The following EEIG1 variants were observed in gnomAD, a reference collection of about 807,000 sequenced individuals.
The protein encoded by EEIG1 is early estrogen-induced gene 1 protein.
the EEIG1 span, among the ~76,000 whole-genome samples, chr9:127,971,793 C>A: frequency 1.3e-5 from 2 of 152,190 alleles, no homozygotes; most frequent in African/African-American, 4.8e-5. Context: ...ACAGAGTGTA[C>A]AAGGCCAAAA....
At chr9:127,944,080 T>C in the EEIG1 span, 1 of 157,878 alleles carries the variant, frequency 6.3e-6, no homozygotes. Flanking sequence ...CAAATGAATG[T>C]CTGTGACGCA....
At chr9:127,961,748 G>A in the EEIG1 span, among the ~76,000 whole-genome samples, 11 of 151,788 alleles carry the variant, frequency 7.2e-5, no homozygotes, top group Non-Finnish European at 1.3e-4. Context: ...TGACATCTAA[G>A]CAAAGACTGA....
chr9:127,979,983 A>G, the EEIG1 span: 1 of 1,610,968 alleles, frequency 6.2e-7, no homozygotes, highest in Non-Finnish European at 8.5e-7. Flanking sequence ...CGACCGCCCC[A>G]GCTCCTACCT....
At chr9:127,963,470 C>T in the EEIG1 span, among the ~76,000 whole-genome samples, 1 of 152,246 alleles carries the variant, frequency 6.6e-6, no homozygotes, top group Non-Finnish European at 1.5e-5. Context: ...TTAAGATATA[C>T]AATTAGACAT....
chr9:127,953,290 C>T, the EEIG1 span: 3 of 490,318 alleles, frequency 6.1e-6, no homozygotes, highest in African/African-American at 5.8e-5. Flanking sequence ...AGGTCTTAAT[C>T]TATCCAATAA....
chr9:127,950,609 G>A, the EEIG1 span: 2 of 1,577,144 alleles, frequency 1.3e-6, no homozygotes, highest in East Asian at 2.3e-5. Context: ...AGCCCAGAAG[G>A]GTAACTTGGC....
chr9:127,946,665 C>G, the EEIG1 span, among the ~76,000 whole-genome samples: 1 of 152,216 alleles, frequency 6.6e-6, no homozygotes, highest in Non-Finnish European at 1.5e-5. Flanking sequence ...TCTGGGGAAC[C>G]CCATCCAGGG....
the EEIG1 span, among the ~76,000 whole-genome samples, chr9:127,972,072 G>A: frequency 2.0e-5 from 3 of 152,042 alleles, no homozygotes; most frequent in African/African-American, 7.2e-5. This position sits in a 1 kb window ranked among gnomAD's most constrained non-coding sequence, Gnocchi z 4.3. Context: ...CTCCGTGGAG[G>A]CTGTCTTCTG....
chr9:127,947,778 C>T, the EEIG1 span, among the ~76,000 whole-genome samples: 1 of 152,176 alleles, frequency 6.6e-6, no homozygotes, highest in African/African-American at 2.4e-5. Flanking sequence ...TGCAGGTAGA[C>T]ATGCATTTAT....
At chr9:127,951,707 C>A in the EEIG1 span, among the ~76,000 whole-genome samples, 2 of 151,214 alleles carry the variant, frequency 1.3e-5, no homozygotes, top group African/African-American at 4.9e-5. Context: ...GTCCCAGCTA[C>A]TCAGGAGGCT....
the EEIG1 span, among the ~76,000 whole-genome samples, chr9:127,965,048 G>T: frequency 7.2e-6 from 1 of 138,456 alleles, no homozygotes; most frequent in Non-Finnish European, 1.5e-5. Context: ...GGCGGAGGTT[G>T]CAGTGAGCCA....
At chr9:127,949,327 A>AG in the EEIG1 span, among the ~76,000 whole-genome samples, 1 of 151,424 alleles carries the variant, frequency 6.6e-6, no homozygotes, top group Non-Finnish European at 1.5e-5. Flanking sequence ...AAAAAAAAAA[A>AG]AAAAAGAAAG....
At chr9:127,962,055 C>G in the EEIG1 span, among the ~76,000 whole-genome samples, 1 of 152,196 alleles carries the variant, frequency 6.6e-6, no homozygotes, top group South Asian at 2.1e-4. Flanking sequence ...TCCGATGGCA[C>G]CCAGCAGGCA....
chr9:127,971,148 G>A, the EEIG1 span, among the ~76,000 whole-genome samples: 4,551 of 152,290 alleles, frequency 0.03, 100 homozygotes, highest in South Asian at 0.071. Flanking sequence ...AGCACCAGCC[G>A]GCCACCTCCT....
chr9:127,960,445 G>C, the EEIG1 span, among the ~76,000 whole-genome samples: 2 of 152,280 alleles, frequency 1.3e-5, no homozygotes, highest in South Asian at 2.1e-4. Flanking sequence ...CTGTGGCTTA[G>C]GCAGAGGCTG....
the EEIG1 span, among the ~76,000 whole-genome samples, chr9:127,975,204 C>T: frequency 2.6e-5 from 4 of 152,224 alleles, no homozygotes; most frequent in Admixed American, 1.3e-4. Context: ...GGGCCCCCAG[C>T]GCGGCACTGA....
chr9:127,979,130 AG>A, the EEIG1 span, among the ~76,000 whole-genome samples: 1 of 152,186 alleles, frequency 6.6e-6, no homozygotes, highest in Non-Finnish European at 1.5e-5. Context: ...GGATTACAGG[AG>A]TAAGCCACAG....
chr9:127,957,583 T>C, the EEIG1 span, among the ~76,000 whole-genome samples: 1 of 152,240 alleles, frequency 6.6e-6, no homozygotes, highest in Non-Finnish European at 1.5e-5. Flanking sequence ...GCTGGCTTCT[T>C]GGCAGAACTT....
At chr9:127,962,370 G>A in the EEIG1 span, among the ~76,000 whole-genome samples, 1 of 152,338 alleles carries the variant, frequency 6.6e-6, no homozygotes, top group Non-Finnish European at 1.5e-5. Flanking sequence ...TGAACAGAAA[G>A]TATCCATTGT....
Sources: allele counts gnomAD v4.1 joint callset (sites outside exome capture counted in the v4.1 genomes callset), GRCh38; gene constraint gnomAD v4.1.1; non-coding constraint Gnocchi (gnomAD v3.1); transcripts MANE v1.5; gene names NCBI Gene and HGNC (gene_info 2026-07-23, HGNC 2026-07-21).